Variants in ESRP1 observed in about 807,000 individuals in gnomAD.
The protein encoded by ESRP1 is RNA-binding motif protein 35A.
Under a neutral mutation model 81.7 loss-of-function variants are expected in ESRP1, and 33 were observed. That is an observed-to-expected ratio of 0.40 (90% confidence interval 0.31 to 0.54). The LOEUF (loss-of-function observed/expected upper bound fraction) is 0.54. ESRP1 is among the 20% of genes least tolerant of loss of function. The pLI is 0.41. For missense variants in ESRP1, 672 were observed against 833.1 expected (o/e 0.81, Z 2.38); for synonymous variants, 320 against 303.3 (o/e 1.06, Z -0.57).
At position 94,668,134 on chromosome 8, in the gene ESRP1, G is replaced by A. The variant is rs1198582850; in HGVS notation, c.1117G>A (p.Ala373Thr). The change falls in exon 10 of 16, where the codon GCT (alanine) becomes ACT (threonine). Residue 373 changes from alanine to threonine, a missense_variant. Transcript: ENST00000433389. ...CCCAGATGGTAGGCCAACAGGGGACGCTTTTGTCCTCTTTGCCTGTGAGGA... is the reference window on the plus strand; with the variant it reads ...CCCAGATGGTAGGCCAACAGGGGACACTTTTGTCCTCTTTGCCTGTGAGGA... ...TYPDGRPTGD[A>T]FVLFACEEYA... The A allele has an allele frequency of 1.1e-5, 18 of 1,613,868 alleles. No individual in the cohort carries two copies. In the African/African-American group the frequency reaches 1.5e-4, roughly 13 times the overall value.
rs1818803407 is a variant in ESRP1, at chr8:94,662,593, T to C, written c.644+38T>C. On this transcript the variant is annotated intron_variant, in intron 6 of 15. Coordinates refer to ENST00000433389, the MANE Select transcript of ESRP1 (RefSeq NM_017697.4). Reference sequence around the variant, plus strand: ...GTACTATTTATTTGAGCTTTTTAACTTGTTTTTTTTTTTTGTCTGTTTGTT... The same window carrying C: ...GTACTATTTATTTGAGCTTTTTAACCTGTTTTTTTTTTTTGTCTGTTTGTT... The C allele has an allele frequency of 2.1e-6, 3 of 1,442,808 alleles. No individual in the cohort carries two copies. In the South Asian group the frequency reaches 3.9e-5, roughly 19 times the overall value. The allele number at this position is 1,442,808 out of a possible 1,614,324, so 89.4% of individuals were successfully genotyped here. A position where few individuals can be genotyped will look rare whatever the true frequency, so the allele number is the denominator to read the frequency against.
At chr8:94,645,994 A>T (rs1035534533) in intron 3 of ESRP1, among the ~76,000 whole-genome samples, 174 bp from the exon 4 acceptor site, 5 of 152,178 alleles carry the variant, frequency 3.3e-5, no homozygotes, top group Admixed American at 6.5e-5. Flanking sequence ...AGACTTGTAC[A>T]TAGGATCTAA....
intron 4 of ESRP1, among the ~76,000 whole-genome samples, chr8:94,655,619 C>T (rs1004098809): frequency 6.6e-6 from 1 of 151,986 alleles, no homozygotes; most frequent in Non-Finnish European, 1.5e-5. Flanking sequence ...AAACTGGGCA[C>T]GGTGGCTCAG....
chr8:94,661,567 G>T (rs1287356232), intron 4 of ESRP1, among the ~76,000 whole-genome samples: 1 of 152,164 alleles, frequency 6.6e-6, no homozygotes, highest in African/African-American at 2.4e-5. Flanking sequence ...ATTTTAGAGA[G>T]ATTCGCAAAA....
intron 15 of ESRP1, among the ~76,000 whole-genome samples, chr8:94,698,855 C>G (rs956173932): frequency 1.2e-4 from 18 of 152,104 alleles, no homozygotes; most frequent in Non-Finnish European, 8.8e-5. Flanking sequence ...GTGTGGAAAC[C>G]CCAGTTCTAA....
chr8:94,644,310 A>G (rs1817744168), intron 3 of ESRP1, among the ~76,000 whole-genome samples: 1 of 152,132 alleles, frequency 6.6e-6, no homozygotes, highest in African/African-American at 2.4e-5. Context: ...TGGAAGTAGA[A>G]TATATTTAGG....
intron 4 of ESRP1, among the ~76,000 whole-genome samples, chr8:94,661,717 A>G (rs7820441): frequency 0.31 from 47,114 of 152,100 alleles, 8,844 homozygotes; most frequent in East Asian, 0.59. Flanking sequence ...GTCTAGAACT[A>G]GCATCTGCTG....
intron 10 of ESRP1, among the ~76,000 whole-genome samples, chr8:94,669,619 A>G (rs1819204224): frequency 6.6e-6 from 1 of 152,088 alleles, no homozygotes; most frequent in African/African-American, 2.4e-5. Context: ...TAATCCTAGC[A>G]CTTTGGGAGT....
intron 4 of ESRP1, among the ~76,000 whole-genome samples, chr8:94,649,049 C>T (rs1011250248): frequency 1.3e-5 from 2 of 152,116 alleles, no homozygotes; most frequent in Non-Finnish European, 2.9e-5. Context: ...GGCGAAACCC[C>T]GTCTCTGCTA....
chr8:94,650,485 A>G (rs1490216152), intron 4 of ESRP1, among the ~76,000 whole-genome samples: 2 of 152,180 alleles, frequency 1.3e-5, no homozygotes, highest in Non-Finnish European at 2.9e-5. Context: ...GGTAATATGC[A>G]TTTAAGATTA....
At chr8:94,676,927 C>T (rs1355020778) in intron 12 of ESRP1, among the ~76,000 whole-genome samples, 4 of 151,858 alleles carry the variant, frequency 2.6e-5, no homozygotes, top group East Asian at 2.0e-4. Context: ...CCAAGGCGGG[C>T]AGATCACCCG....
chr8:94,690,039 CG>C (rs1809325321), intron 13 of ESRP1, among the ~76,000 whole-genome samples: 1 of 151,500 alleles, frequency 6.6e-6, no homozygotes, highest in African/African-American at 2.4e-5. Context: ...AGGATGGTCT[CG>C]ATCTCTTGAC....
rs1270731079 is a variant in ESRP1, at chr8:94,706,147, T to C, written c.*258T>C. On this transcript the variant is annotated 3_prime_UTR_variant, in exon 16 of 16. Transcript: ENST00000433389. Reference sequence around the variant, plus strand: ...GCAGCATACCTGGCTCTTTGCTGATTGCAAATAGGCATTTAAAATGTGAAT... The same window carrying C: ...GCAGCATACCTGGCTCTTTGCTGATCGCAAATAGGCATTTAAAATGTGAAT... 3 of 538,158 alleles carry C rather than the reference T, an allele frequency of 5.6e-6. No homozygotes were observed. In the East Asian group the frequency reaches 9.1e-5, roughly 16 times the overall value. The allele number at this position is 538,158 out of a possible 1,614,324, so 33.3% of individuals were successfully genotyped here. A position where few individuals can be genotyped will look rare whatever the true frequency, so the allele number is the denominator to read the frequency against.
intron 13 of ESRP1, among the ~76,000 whole-genome samples, chr8:94,678,768 A>C (rs73695510): frequency 0.02 from 3,104 of 152,326 alleles, 96 homozygotes; most frequent in African/African-American, 0.07. Flanking sequence ...GTGAATAAAA[A>C]CTGTTGCTTT....
intron 12 of ESRP1, 43 bp downstream of exon 12, chr8:94,674,549 T>C: frequency 6.4e-7 from 1 of 1,555,710 alleles, no homozygotes; most frequent in Admixed American, 2.0e-5. Flanking sequence ...CGCTATATGC[T>C]GGTAGGTGCT....
intron 13 of ESRP1, among the ~76,000 whole-genome samples, chr8:94,686,687 C>A (rs954652829): frequency 6.6e-6 from 1 of 152,106 alleles, no homozygotes; most frequent in African/African-American, 2.4e-5. Flanking sequence ...CTTTTGAGTA[C>A]AAGTTACATT....
At chr8:94,697,863 C>T (rs987071504) in intron 15 of ESRP1, among the ~76,000 whole-genome samples, 20 of 152,134 alleles carry the variant, frequency 1.3e-4, no homozygotes, top group African/African-American at 4.1e-4. Flanking sequence ...CTCACTGCAA[C>T]CTCTGCTCCT....
chr8:94,663,298 T>C (rs1178697039), intron 6 of ESRP1, among the ~76,000 whole-genome samples: 3 of 152,178 alleles, frequency 2.0e-5, no homozygotes, highest in Admixed American at 2.0e-4. Context: ...CCAGCTGGAA[T>C]ATCGCGGTGT....
At chr8:94,682,316 A>G (rs72676930) in intron 13 of ESRP1, among the ~76,000 whole-genome samples, 2 of 152,162 alleles carry the variant, frequency 1.3e-5, no homozygotes, top group Admixed American at 6.6e-5. Flanking sequence ...CATACCTTCT[A>G]TGCATCTCTT....
Sources: allele counts gnomAD v4.1 joint callset (sites outside exome capture counted in the v4.1 genomes callset), GRCh38; gene constraint gnomAD v4.1.1; transcripts MANE v1.5; gene names NCBI Gene and HGNC (gene_info 2026-07-23, HGNC 2026-07-21).